Variants in CLIP4 observed in about 807,000 individuals in gnomAD.
CLIP4 encodes CAP-Gly domain-containing linker protein 4.
In CLIP4, 47 loss-of-function variants were observed where a neutral mutation model predicts 73.1. That is an observed-to-expected ratio of 0.64 (90% CI 0.51 to 0.82). CLIP4 has a LOEUF of 0.82. Among genes scored for constraint, CLIP4 ranks in the 40% least tolerant of loss-of-function variants. CLIP4 has a pLI of 0.00. For synonymous variants in CLIP4, 306 were observed against 295.4 expected, an observed-to-expected ratio of 1.04 and a Z score of -0.37; for missense variants, 874 against 852.9, an observed-to-expected ratio of 1.02 and a Z score of -0.31.
intron 1 of CLIP4, among the ~76,000 whole-genome samples, chr2:29,107,367 T>TGTTTTG (rs1558504949): frequency 9.0e-6 from 1 of 111,206 alleles, no homozygotes; most frequent in East Asian, 3.0e-4. Flanking sequence ...AGTTTTTTTT[T>TGTTTTG]TTTTTTTTTT....
intron 6 of CLIP4, among the ~76,000 whole-genome samples, chr2:29,137,172 C>T (rs1665425854): frequency 6.6e-6 from 1 of 152,082 alleles, no homozygotes; most frequent in Non-Finnish European, 1.5e-5. Flanking sequence ...CACCTCCTTC[C>T]CTCCCACACT....
intron 6 of CLIP4, among the ~76,000 whole-genome samples, chr2:29,139,524 C>T (rs1231243979): frequency 6.6e-6 from 1 of 152,046 alleles, no homozygotes; most frequent in East Asian, 1.9e-4. Flanking sequence ...ATCCCTCCTC[C>T]TTGGTTTTTT....
chr2:29,152,348 A>G (rs551860208), intron 8 of CLIP4, among the ~76,000 whole-genome samples: 2 of 152,036 alleles, frequency 1.3e-5, no homozygotes, highest in African/African-American at 4.8e-5. Context: ...AACAGTCTTC[A>G]AATACAATAC....
chr2:29,147,735 T>C (rs1466451695), intron 8 of CLIP4, among the ~76,000 whole-genome samples: 2 of 152,178 alleles, frequency 1.3e-5, no homozygotes, highest in Non-Finnish European at 2.9e-5. Flanking sequence ...TTTTTCAACA[T>C]ACACAATAAA....
intron 2 of CLIP4, among the ~76,000 whole-genome samples, chr2:29,130,318 A>G (rs57523170): frequency 0.012 from 1,877 of 152,288 alleles, 32 homozygotes; most frequent in African/African-American, 0.033. Flanking sequence ...GCAAATAGGG[A>G]GACTTCCAAA....
chr2:29,157,168 T>G, intron 10 of CLIP4, 36 bp from the exon 11 acceptor site: 1 of 1,594,056 alleles, frequency 6.3e-7, no homozygotes, highest in Non-Finnish European at 8.6e-7. Flanking sequence ...CCACATCTTA[T>G]TTTCCACCGT....
chr2:29,151,353 G>A lies in CLIP4; in HGVS notation c.1022-1332G>A, dbSNP rs140646046. On this transcript the variant is annotated intron_variant, in intron 8 of 15. Coordinates refer to ENST00000320081, the MANE Select transcript of CLIP4 (RefSeq NM_024692.6). Reference sequence around the variant, plus strand: ...CCCAGAGTATAAAATAATTTCTTTCGTCAAACCCTTGCCGACACTGGTTGT... The same window carrying A: ...CCCAGAGTATAAAATAATTTCTTTCATCAAACCCTTGCCGACACTGGTTGT... Among the ~76,000 whole-genome samples, 849 of 152,016 alleles carry A rather than the reference G, an allele frequency of 5.6e-3. 27 individuals carry two copies. The highest frequency in any genetic ancestry group is 0.038 in the Admixed American group (583 of 15,258).
intron 5 of CLIP4, among the ~76,000 whole-genome samples, chr2:29,134,852 A>G (rs1285980787): frequency 6.6e-6 from 1 of 152,184 alleles, no homozygotes; most frequent in East Asian, 1.9e-4. Flanking sequence ...ATGAAATTCA[A>G]ATTCATTTGT....
chr2:29,111,977 C>T (rs112485214), upstream of CLIP4, among the ~76,000 whole-genome samples: 3,561 of 152,268 alleles, frequency 0.023, 117 homozygotes, highest in East Asian at 0.091. Flanking sequence ...CTTTATTTTT[C>T]CTTGATAAAT....
chr2:29,140,761 T>C (rs1665708130), intron 6 of CLIP4, among the ~76,000 whole-genome samples: 1 of 152,244 alleles, frequency 6.6e-6, no homozygotes, highest in African/African-American at 2.4e-5. Flanking sequence ...GACATTTTAA[T>C]GATCGCCATT....
intron 3 of CLIP4, 52 bp downstream of exon 3, chr2:29,131,449 T>C (rs760791990): frequency 8.5e-6 from 13 of 1,528,376 alleles, no homozygotes; most frequent in Non-Finnish European, 7.0e-6. Context: ...GTTAATGGTA[T>C]AGATTTTTTT....
intron 6 of CLIP4, among the ~76,000 whole-genome samples, chr2:29,141,965 T>G (rs1441722917): frequency 6.6e-6 from 1 of 152,164 alleles, no homozygotes; most frequent in Non-Finnish European, 1.5e-5. Flanking sequence ...TGTTTTCATG[T>G]TTAGAACTCT....
intron 12 of CLIP4, among the ~76,000 whole-genome samples, chr2:29,162,257 T>G (rs1572998742): frequency 6.6e-6 from 1 of 152,304 alleles, no homozygotes; most frequent in South Asian, 2.1e-4. Flanking sequence ...GCAAATATAA[T>G]AAAAAGTGGA....
At chr2:29,099,387 G>T (rs1035512636) in intron 1 of CLIP4, among the ~76,000 whole-genome samples, 1 of 148,130 alleles carries the variant, frequency 6.8e-6, no homozygotes, top group Non-Finnish European at 1.5e-5. Flanking sequence ...TGTAAAAGGT[G>T]TAAGATCTGT....
At position 29,131,138 on chromosome 2, in the gene CLIP4, GA is replaced by G. The variant is rs1007187457; in HGVS notation, c.134-119del. On this transcript the variant is annotated intron_variant, in intron 2 of 15. Coordinates refer to ENST00000320081, the MANE Select transcript of CLIP4 (RefSeq NM_024692.6). ...ATATTTTCCTTATTTAGATACTTCTGATTTTTTTTTAGCATCTAAAATATTT... is the reference window on the plus strand; with the variant it reads ...ATATTTTCCTTATTTAGATACTTCTGTTTTTTTTTAGCATCTAAAATATTT... The G allele has an allele frequency of 2.3e-5, 23 of 981,300 alleles. No individual in the cohort carries two copies. The African/African-American group carries it at 3.3e-4, about 14-fold the overall frequency. 60.8% of individuals were successfully genotyped at this position (981,300 alleles called of 1,614,324 possible). A position where few individuals can be genotyped will look rare whatever the true frequency, so the allele number is the denominator to read the frequency against.
intron 4 of CLIP4, among the ~76,000 whole-genome samples, chr2:29,133,435 TAAC>T (rs1665124012): frequency 6.6e-6 from 1 of 152,222 alleles, no homozygotes; most frequent in South Asian, 2.1e-4. Flanking sequence ...AGAATTATAT[TAAC>T]AATAAGAGTG....
At chr2:29,144,024 G>A (rs1665978506) in intron 7 of CLIP4, 79 bp downstream of exon 7, 2 of 1,200,692 alleles carry the variant, frequency 1.7e-6, no homozygotes, top group Non-Finnish European at 2.4e-6. Flanking sequence ...TATGGTCAGA[G>A]TTTTGAGTTT....
In CLIP4 at chr2:29,121,182, AGGT is replaced by A. The variant is rs1379292976; in HGVS notation, c.-15-187_-15-185del. Among the ~76,000 whole-genome samples, 4 of 152,264 alleles carry A rather than the reference AGGT, an allele frequency of 2.6e-5. No individual in the cohort carries two copies. The East Asian group carries it at 7.7e-4, about 29-fold the overall frequency. ...TACATGTGCTACCGACTGGTATAAG[AGGT>A]GGTGTGAAGCAATGTATGCCTTTTA... On this transcript the variant is annotated intron_variant, in intron 1 of 15. Transcript: ENST00000320081.
intron 14 of CLIP4, among the ~76,000 whole-genome samples, chr2:29,172,007 CTGTTT>C (rs1378921676): frequency 9.3e-5 from 11 of 118,188 alleles, no homozygotes. Flanking sequence ...TTCCCACCCT[CTGTTT>C]TTTTTTTTTT....
Sources: gnomAD v4.1 joint callset for allele counts (sites outside exome capture counted in the v4.1 genomes callset) on GRCh38, gnomAD v4.1.1 for gene constraint, MANE v1.5 for transcripts, NCBI Gene and HGNC (gene_info 2026-07-23, HGNC 2026-07-21) for gene names.